Variants in GABRB1 observed in about 807,000 individuals in gnomAD.
GABRB1 encodes the protein gamma-aminobutyric acid receptor subunit beta-1.
A neutral mutation model predicts 51.6 loss-of-function variants in GABRB1; 17 were observed. The ratio of observed to expected loss-of-function variants is 0.33; its 90% CI spans 0.23 to 0.49. The LOEUF is 0.49. Among genes scored for constraint, GABRB1 ranks in the 20% least tolerant of loss-of-function variants. The pLI, the probability that GABRB1 is intolerant of heterozygous loss-of-function variation, is 0.99. For synonymous variants in GABRB1, 247 were observed against 218.9 expected (o/e 1.13, Z -1.14); for missense variants, 410 against 600.6 (o/e 0.68, Z 3.32).
At chr4:47,259,536 T>C (rs977093408) in intron 4 of GABRB1, among the ~76,000 whole-genome samples, 1 of 152,162 alleles carries the variant, frequency 6.6e-6, no homozygotes, top group African/African-American at 2.4e-5. Context: ...ACCTTAGTTT[T>C]TTTGTTAATT....
chr4:47,113,140 C>T (rs937497028), intron 3 of GABRB1, among the ~76,000 whole-genome samples: 4 of 152,102 alleles, frequency 2.6e-5, no homozygotes, highest in Admixed American at 6.6e-5. Flanking sequence ...AATCCCAGCA[C>T]TTTGGGAAGC....
chr4:47,140,731 G>T (rs1716898027), intron 3 of GABRB1, among the ~76,000 whole-genome samples: 1 of 148,556 alleles, frequency 6.7e-6, no homozygotes, highest in African/African-American at 2.5e-5. Flanking sequence ...TTATTTATTT[G>T]CTCTTTCCTG....
At chr4:47,077,860 A>G in intron 3 of GABRB1, among the ~76,000 whole-genome samples, 1 of 140,294 alleles carries the variant, frequency 7.1e-6, no homozygotes, top group Non-Finnish European at 1.5e-5. Flanking sequence ...ATTTTTATAT[A>G]TTTTATATAT....
At chr4:47,177,843 T>C (rs1179982400) in intron 4 of GABRB1, among the ~76,000 whole-genome samples, 3 of 149,826 alleles carry the variant, frequency 2.0e-5, no homozygotes, top group Non-Finnish European at 4.4e-5. Context: ...TTCATGTTTC[T>C]GTTTGTTTTT....
At chr4:47,251,242 C>A (rs1163194661) in intron 4 of GABRB1, among the ~76,000 whole-genome samples, 1 of 152,208 alleles carries the variant, frequency 6.6e-6, no homozygotes, top group Non-Finnish European at 1.5e-5. Flanking sequence ...CACAGCAAGT[C>A]TACCAGGCTC....
At chr4:47,373,883 T>C (rs1310506948) in intron 5 of GABRB1, among the ~76,000 whole-genome samples, 2 of 152,148 alleles carry the variant, frequency 1.3e-5, no homozygotes, top group Non-Finnish European at 2.9e-5. Flanking sequence ...AGGTAAGGTG[T>C]CAAGGAAGGT....
At chr4:47,103,674 T>C (rs554484441) in intron 3 of GABRB1, among the ~76,000 whole-genome samples, 2 of 152,080 alleles carry the variant, frequency 1.3e-5, no homozygotes, top group South Asian at 2.1e-4. Context: ...ATAAAATGAA[T>C]TATACGAAGT....
At chr4:47,296,784 AC>A (rs1724017411) in intron 4 of GABRB1, among the ~76,000 whole-genome samples, 2 of 152,234 alleles carry the variant, frequency 1.3e-5, no homozygotes, top group South Asian at 4.2e-4. Flanking sequence ...AAAATTCTCC[AC>A]CCCAAATCAA....
At chr4:47,396,650 A>C (rs951871765) in intron 5 of GABRB1, among the ~76,000 whole-genome samples, 6 of 152,188 alleles carry the variant, frequency 3.9e-5, no homozygotes, top group Non-Finnish European at 5.9e-5. Flanking sequence ...AGAGTGGTCC[A>C]AACTACTTTT....
intron 1 of GABRB1, among the ~76,000 whole-genome samples, chr4:47,026,344 CA>C (rs1366968135): frequency 4.3e-4 from 65 of 152,010 alleles, no homozygotes; most frequent in African/African-American, 1.4e-3. Context: ...AAGTGTTCAC[CA>C]GATAATCACC....
At chr4:47,309,346 C>G (rs999421943) in intron 4 of GABRB1, among the ~76,000 whole-genome samples, 3 of 151,972 alleles carry the variant, frequency 2.0e-5, no homozygotes, top group African/African-American at 7.2e-5. Context: ...ATCACCCTGC[C>G]CCAACAGAAG....
intron 4 of GABRB1, among the ~76,000 whole-genome samples, chr4:47,186,902 C>A (rs1719204466): frequency 6.6e-6 from 1 of 151,874 alleles, no homozygotes; most frequent in African/African-American, 2.4e-5. Flanking sequence ...ATGGCACACA[C>A]TGTGAAAAAC....
chr4:47,350,145 T>G (rs985577052), intron 5 of GABRB1, among the ~76,000 whole-genome samples: 4 of 147,990 alleles, frequency 2.7e-5, no homozygotes, highest in African/African-American at 9.9e-5. Flanking sequence ...TTAGTTCTTA[T>G]TTTCTGATTA....
At chr4:47,055,907 C>G (rs1260196692) in intron 3 of GABRB1, among the ~76,000 whole-genome samples, 1 of 152,176 alleles carries the variant, frequency 6.6e-6, no homozygotes, top group East Asian at 1.9e-4. Context: ...TGTGACTCTT[C>G]TTAGGGAATG....
In GABRB1 at chr4:47,272,903, T is replaced by C. The variant is rs118044660; in HGVS notation, c.462-47224T>C. Among the ~76,000 whole-genome samples, 51 of 152,278 alleles carry C rather than the reference T, an allele frequency of 3.3e-4. 1 individual carries two copies. In the East Asian group the frequency reaches 8.1e-3, roughly 24 times the overall value. On this transcript the variant is annotated intron_variant, in intron 4 of 8. Coordinates refer to ENST00000295454, the MANE Select transcript of GABRB1 (RefSeq NM_000812.4). ...ACTTTATGGGACTGCTTATAAGCAA[T>C]AAACAGGGCCAAGAAGCAGGGCAGG...
intron 3 of GABRB1, among the ~76,000 whole-genome samples, chr4:47,050,145 G>T (rs1362606408): frequency 2.6e-5 from 4 of 152,102 alleles, no homozygotes; most frequent in Non-Finnish European, 5.9e-5. Context: ...GCACACACAG[G>T]TCAGGTCAAT....
chr4:47,268,051 A>C (rs1460890479), intron 4 of GABRB1, among the ~76,000 whole-genome samples: 3 of 152,194 alleles, frequency 2.0e-5, no homozygotes, highest in Admixed American at 6.5e-5. Flanking sequence ...TTGACTTGTC[A>C]TCAGCAGAAC....
At chr4:47,355,538 A>AC (rs1162384284) in intron 5 of GABRB1, among the ~76,000 whole-genome samples, 1 of 152,204 alleles carries the variant, frequency 6.6e-6, no homozygotes, top group Non-Finnish European at 1.5e-5. Context: ...TTTTGCAGTG[A>AC]CAAAAAACAG....
intron 4 of GABRB1, among the ~76,000 whole-genome samples, chr4:47,286,462 C>T (rs956176630): frequency 6.6e-6 from 1 of 152,144 alleles, no homozygotes; most frequent in Non-Finnish European, 1.5e-5. Context: ...CCATATAAAG[C>T]CTTCTCTACC....
Sources: allele counts gnomAD v4.1 joint callset (sites outside exome capture counted in the v4.1 genomes callset), GRCh38; gene constraint gnomAD v4.1.1; transcripts MANE v1.5; gene names NCBI Gene and HGNC (gene_info 2026-07-23, HGNC 2026-07-21).